Variants in OGT observed in about 807,000 individuals in gnomAD.
OGT encodes UDP-N-acetylglucosamine--peptide N-acetylglucosaminyltransferase 110 kDa subunit.
In OGT, 3 loss-of-function variants were observed where a neutral mutation model predicts 75.8. The observed-to-expected ratio is 0.04, with a 90% confidence interval of 0.02 to 0.10. The LOEUF (loss-of-function observed/expected upper bound fraction) is 0.10. Ranked by LOEUF, OGT falls within the 10% of genes least tolerant of loss-of-function variation. The probability of loss-of-function intolerance (pLI) is 1.00; values close to 1 mark genes in which losing one functional copy is unlikely to be tolerated. For synonymous variants in OGT, 257 were observed against 289.7 expected (o/e 0.89, Z 1.15); for missense variants, 260 against 824.4 (o/e 0.32, Z 8.38).
intron 21 of OGT, 80 bp downstream of exon 21, chrX:71,568,196 G>C: frequency 1.1e-6 from 1 of 905,792 alleles, no homozygotes. Context: ...CATAAAATAA[G>C]TGTAATATAA....
At chrX:71,571,867 T>C (rs1340170495) in intron 21 of OGT, among the ~76,000 whole-genome samples, 1 of 110,117 alleles carries the variant, frequency 9.1e-6, no homozygotes, top group Non-Finnish European at 1.9e-5. Flanking sequence ...CCTCCTGGGT[T>C]CAAGCGATTC....
chrX:71,553,487 G>GT (rs2147680704), intron 5 of OGT: 1 of 107,263 alleles, frequency 9.3e-6, no homozygotes, highest in South Asian at 4.0e-4. Flanking sequence ...TTTTGTTTTT[G>GT]TTTTTTGTTT....
Position 71,559,324 on chromosome X carries a change from G to A in OGT, c.1660G>A (p.Gly554Ser). The change falls in exon 13 of 22, where the codon GGT (glycine) becomes AGT (serine). Residue 554 changes from glycine (G) to serine (S), a missense_variant. By Grantham distance (56) the Gly-to-Ser change is moderately conservative. Around this residue, in one of 6 missense-constraint regions of OGT, gnomAD observed 99 missense variants for 417.9 expected, o/e 0.24. Transcript: ENST00000373719. ...TCCAAAAGACTTGAAGCTCAGTGAT[G>A]GTCGGCTGCGTGTAGGATATGTGAG... ...EHPKDLKLSD[G>S]RLRVGYVSSD... 1 of 1,209,944 alleles carries A rather than the reference G, an allele frequency of 8.3e-7. No individual in the cohort carries two copies. The highest frequency in any genetic ancestry group is 1.1e-6 in the Non-Finnish European group (1 of 894,071).
At chrX:71,547,530 G>C (rs1243643636) in intron 4 of OGT, 1 of 781,549 alleles carries the variant, frequency 1.3e-6, no homozygotes, top group Non-Finnish European at 1.5e-6. Flanking sequence ...CTCAAGTTGC[G>C]CCCTCTAGGT....
At chrX:71,541,242 G>A (rs890190201) in intron 3 of OGT, among the ~76,000 whole-genome samples, 5 of 111,979 alleles carry the variant, frequency 4.5e-5, no homozygotes, top group African/African-American at 1.6e-4. Flanking sequence ...GTGTGTTCCT[G>A]TCATGTTATT....
chrX:71,535,663 G>C (rs2040170450), intron 1 of OGT, among the ~76,000 whole-genome samples: 1 of 111,470 alleles, frequency 9.0e-6, no homozygotes, highest in African/African-American at 3.3e-5. Flanking sequence ...AACACATCTG[G>C]TGTCCTCACT....
At chrX:71,570,848 G>A (rs1317782839) in intron 21 of OGT, among the ~76,000 whole-genome samples, 2 of 110,889 alleles carry the variant, frequency 1.8e-5, no homozygotes, top group East Asian at 2.8e-4. Context: ...AGGCTGGAGT[G>A]CAGTGGCATG....
chrX:71,573,812 G>T lies in OGT; in HGVS notation c.*18G>T. 8.7e-7 allele frequency: 1 copy of T among 1,153,864 alleles called. No homozygotes were observed. The highest frequency in any genetic ancestry group is 1.2e-6 in the Non-Finnish European group (1 of 858,450). On this transcript the variant is annotated 3_prime_UTR_variant, in exon 22 of 22. Transcript: ENST00000373719. ...CAGCATAAATAAAGACTGCACAGGA[G>T]AATTACCCCTATACCTGAGCCTCAA... is the stretch of plus-strand genomic sequence containing the variant.
intron 18 of OGT, among the ~76,000 whole-genome samples, chrX:71,563,791 G>C (rs1054279426): frequency 7.3e-5 from 8 of 109,909 alleles, no homozygotes; most frequent in African/African-American, 2.7e-4. Flanking sequence ...ACAGTTTCTT[G>C]CTTCTGTAAA....
intron 5 of OGT, chrX:71,553,749 G>A (rs2040324454): frequency 8.9e-6 from 1 of 111,975 alleles, no homozygotes; most frequent in African/African-American, 3.2e-5. Flanking sequence ...CAAAGTACTG[G>A]GATTACATGT....
At chrX:71,548,794 A>G (rs2040280235) in intron 5 of OGT, among the ~76,000 whole-genome samples, 1 of 110,830 alleles carries the variant, frequency 9.0e-6, no homozygotes, top group African/African-American at 3.3e-5. Flanking sequence ...TACAAAAACT[A>G]CTTACCAGGT....
At chrX:71,557,165 T>G in intron 10 of OGT, 30 bp from the exon 11 acceptor site, 1 of 1,202,056 alleles carries the variant, frequency 8.3e-7, no homozygotes, top group South Asian at 1.8e-5. Flanking sequence ...TTTGGAAATT[T>G]TTTACCATCC....
chrX:71,554,275 A>G (rs920240452), intron 5 of OGT, among the ~76,000 whole-genome samples: 1 of 112,135 alleles, frequency 8.9e-6, no homozygotes, highest in Admixed American at 9.5e-5. Context: ...CAGGCCCAAT[A>G]TTTAATTTTT....
intron 19 of OGT, among the ~76,000 whole-genome samples, chrX:71,567,093 A>C (rs924135725): frequency 1.8e-5 from 2 of 112,733 alleles, no homozygotes; most frequent in Non-Finnish European, 3.7e-5. Flanking sequence ...CACAGAACCA[A>C]AAATATTTGC....
chrX:71,556,571 A>T, intron 8 of OGT, 109 bp from the exon 9 acceptor site: 1 of 425,002 alleles, frequency 2.4e-6, no homozygotes, highest in African/African-American at 2.5e-5. Context: ...AAGTAGAGAC[A>T]AATTTAGGGG....
chrX:71,563,485 C>G lies in OGT; in HGVS notation c.2422C>G (p.Leu808Val). The change falls in exon 18 of 22, where the codon CTG becomes GTG. Residue 808 changes from leucine to valine, a missense_variant. Around this residue, in one of 6 missense-constraint regions of OGT, gnomAD observed 79 missense variants for 141.0 expected, o/e 0.56. Transcript: ENST00000373719. ...TAATGGATTCAGTATTAGCAATGGA[C>G]TGGCAACTACTCAGGTGAGAAGATA... ...TINGFSISNG[L>V]ATTQINNKAA... is the part of the protein sequence containing the mutation. 8.4e-7 allele frequency: 1 copy of G among 1,195,472 alleles called. No individual in the cohort carries two copies. The highest frequency in any genetic ancestry group is 2.2e-5 in the Admixed American group (1 of 44,768).
chrX:71,547,567 G>A, intron 4 of OGT: 1 of 826,602 alleles, frequency 1.2e-6, no homozygotes, highest in South Asian at 5.0e-5. Flanking sequence ...ACAAGGGCCC[G>A]TAGTTGTTTG....
chrX:71,565,264 T>C (rs1356092149), intron 19 of OGT, among the ~76,000 whole-genome samples: 1 of 112,101 alleles, frequency 8.9e-6, no homozygotes, highest in African/African-American at 3.2e-5. Flanking sequence ...TCTCACTCTG[T>C]TGTTCGGGCT....
intron 4 of OGT, chrX:71,547,023 G>T (rs2040264578): frequency 1.3e-6 from 1 of 753,649 alleles, no homozygotes; most frequent in African/African-American, 2.3e-5. Context: ...GCGTCTAGGG[G>T]TGTTCTATGT....
Sources: allele counts gnomAD v4.1 joint callset (sites outside exome capture counted in the v4.1 genomes callset), GRCh38; gene constraint gnomAD v4.1.1; regional missense constraint gnomAD v4.1.1; transcripts MANE v1.5; gene names NCBI Gene and HGNC (gene_info 2026-07-23, HGNC 2026-07-21).